Variants in PHIP observed in about 807,000 individuals in gnomAD.
PHIP encodes the protein PHIP subunit of CUL4-Ring ligase complex.
In PHIP, 54 loss-of-function variants were observed where a neutral mutation model predicts 236.8. That is an observed-to-expected ratio of 0.23 (90% confidence interval 0.18 to 0.29). The LOEUF (loss-of-function observed/expected upper bound fraction) is 0.29, where lower values mean the gene tolerates loss of function less well. Ranked by LOEUF, PHIP falls within the 10% of genes least tolerant of loss-of-function variation. The pLI is 1.00. For missense variants in PHIP, 1,370 were observed against 2,190.8 expected (o/e 0.63, Z 7.48); for synonymous variants, 756 against 718.9 (o/e 1.05, Z -0.83).
chr6:78,953,041 TG>T (rs1170153017), intron 35 of PHIP, among the ~76,000 whole-genome samples: 19 of 152,212 alleles, frequency 1.2e-4, no homozygotes, highest in Admixed American at 6.5e-4. Context: ...ATATAGGTGT[TG>T]TTTTTTTTTT....
intron 7 of PHIP, among the ~76,000 whole-genome samples, chr6:79,041,469 G>T (rs1264782687): frequency 1.3e-5 from 2 of 152,042 alleles, no homozygotes; most frequent in Non-Finnish European, 2.9e-5. Flanking sequence ...TTCCTACAAG[G>T]TTCTTTACAA....
rs186814105 is a variant in PHIP, at chr6:79,038,569, T to C, written c.600+4274A>G. Among the ~76,000 whole-genome samples, 13 of 152,324 alleles carry C rather than the reference T, an allele frequency of 8.5e-5. No homozygotes were observed. The East Asian group carries it at 2.5e-3, about 29-fold the overall frequency. On this transcript the variant is annotated intron_variant, in intron 7 of 39. Transcript: ENST00000275034. Reference sequence around the variant, plus strand: ...CTTTAGGTTTCTGCCTTTCATGAAATTCTCATCTCCTGGCTTCTAAGACAC... The same window carrying C: ...CTTTAGGTTTCTGCCTTTCATGAAACTCTCATCTCCTGGCTTCTAAGACAC...
chr6:78,955,493 TA>T (rs1284759065), intron 33 of PHIP, 119 bp downstream of exon 33: 6 of 503,070 alleles, frequency 1.2e-5, no homozygotes, highest in Non-Finnish European at 1.1e-5. Context: ...TTTTTTTTTT[TA>T]AATTAACTAC....
At chr6:79,062,167 C>T (rs1025935467) in intron 4 of PHIP, among the ~76,000 whole-genome samples, 2 of 152,080 alleles carry the variant, frequency 1.3e-5, no homozygotes, top group South Asian at 2.1e-4. Context: ...ATACATATTA[C>T]CTCCTTGTTT....
chr6:79,026,695 A>C (rs1219353537), intron 7 of PHIP, among the ~76,000 whole-genome samples: 2 of 152,028 alleles, frequency 1.3e-5, no homozygotes, highest in African/African-American at 2.4e-5. Flanking sequence ...AAAATACATA[A>C]TTACTTGTTT....
chr6:78,972,179 A>G (rs921427648), intron 24 of PHIP, among the ~76,000 whole-genome samples: 12 of 149,206 alleles, frequency 8.0e-5, no homozygotes, highest in African/African-American at 2.7e-4. Flanking sequence ...AGCTGGAGAT[A>G]TGAGAACGGG....
chr6:78,947,868 G>GC (rs1562116244), intron 35 of PHIP, 93 bp from the exon 36 acceptor site: 6 of 781,182 alleles, frequency 7.7e-6, no homozygotes. Context: ...TATGATGACT[G>GC]CAAGTCCTAG....
At chr6:78,984,117 T>C (rs1030297709) in intron 22 of PHIP, among the ~76,000 whole-genome samples, 1 of 152,146 alleles carries the variant, frequency 6.6e-6, no homozygotes, top group Admixed American at 6.6e-5. Context: ...GGAGCTTTAT[T>C]CCATTGTCAC....
chr6:78,988,306 T>C lies in PHIP; in HGVS notation c.2363A>G (p.Lys788Arg). The C allele has an allele frequency of 6.2e-7, 1 of 1,606,484 alleles. No individual in the cohort carries two copies. Residue 788 changes from lysine (K) to arginine (R), a missense_variant, in exon 21 of 40, where the codon AAG (lysine) becomes AGG (arginine). Physicochemically the swap from Lys to Arg is conservative, Grantham distance 26. Coordinates refer to ENST00000275034, the MANE Select transcript of PHIP (RefSeq NM_017934.7). The stretch of plus-strand genomic sequence containing the variant: ...ATAATTGTGTTGATTTGTCTGTTGC[T>C]TTTTGGATTCTCCAAGATCCAGGAA... ...EHFLDLGESK[K>R]QQTNQHNYRT...
chr6:78,986,006 T>A (rs989238143), intron 21 of PHIP, among the ~76,000 whole-genome samples: 2 of 152,218 alleles, frequency 1.3e-5, no homozygotes, highest in Non-Finnish European at 2.9e-5. Context: ...CCTCATAACG[T>A]ATCTAGATAA....
At chr6:78,946,440 T>A in intron 37 of PHIP, 180 bp from the exon 38 acceptor site, 1 of 1,405,978 alleles carries the variant, frequency 7.1e-7, no homozygotes, top group South Asian at 1.6e-5. Flanking sequence ...AGGATCGCTG[T>A]AAATGCTAAA....
At chr6:78,988,432 A>G in intron 20 of PHIP, 83 bp from the exon 21 acceptor site, 9 of 1,091,742 alleles carry the variant, frequency 8.2e-6, no homozygotes, top group Non-Finnish European at 1.1e-5. Flanking sequence ...TTTTAATTAA[A>G]AAAATTCAAG....
rs1005595885 is a variant in PHIP at position 79,023,621 on chromosome 6, A to T, written c.923+1898T>A. On this transcript the variant is annotated intron_variant, in intron 9 of 39. Transcript: ENST00000275034. ...TCTATGGTAAAATATTAAGAAAACA[A>T]AATTATATATATATTCCTAATTATA... Among the ~76,000 whole-genome samples the T allele has an allele frequency of 6.7e-4, 102 of 152,092 alleles. 1 individual carries two copies. The highest frequency in any genetic ancestry group is 2.4e-3 in the African/African-American group (99 of 41,532).
intron 17 of PHIP, among the ~76,000 whole-genome samples, chr6:79,001,439 C>A (rs1233433565): frequency 6.6e-6 from 1 of 152,012 alleles, no homozygotes; most frequent in Admixed American, 6.6e-5. Flanking sequence ...TGCTATTATT[C>A]CCTTTAGTAA....
At chr6:78,969,563 T>A (rs1767384074) in intron 27 of PHIP, among the ~76,000 whole-genome samples, 1 of 152,176 alleles carries the variant, frequency 6.6e-6, no homozygotes, top group South Asian at 2.1e-4. Context: ...TTATTAATAT[T>A]TTTATACAAA....
chr6:79,000,597 A>C (rs968394982), intron 17 of PHIP, among the ~76,000 whole-genome samples: 2 of 152,074 alleles, frequency 1.3e-5, no homozygotes, highest in Non-Finnish European at 2.9e-5. Flanking sequence ...CTGAAACCCT[A>C]AAGTAGCTAT....
rs544796751 is a variant in PHIP, at chr6:78,999,153, G to A, written c.1880-762C>T. Among the ~76,000 whole-genome samples the A allele has an allele frequency of 3.1e-3, 472 of 152,246 alleles. 3 individuals are homozygous for A. Among genetic ancestry groups the A allele is most frequent in the African/African-American group, 0.011 (438 of 41,534 alleles). The stretch of plus-strand genomic sequence containing the variant: ...CAAGAGGTACAAACGCTGTGAAGCA[G>A]GGAGAAACTTGTATTTTAATCCATC... On this transcript the variant is annotated intron_variant, in intron 17 of 39. Coordinates refer to ENST00000275034, the MANE Select transcript of PHIP (RefSeq NM_017934.7).
intron 11 of PHIP, 48 bp downstream of exon 11, chr6:79,017,435 T>G (rs754409596): frequency 4.1e-5 from 65 of 1,580,064 alleles, no homozygotes; most frequent in Non-Finnish European, 5.5e-5. Context: ...TATAAACTCT[T>G]GGACTCACAT....
chr6:79,077,657 G>A (rs1390782339), intron 3 of PHIP, 43 bp downstream of exon 3: 2 of 957,376 alleles, frequency 2.1e-6, no homozygotes, highest in African/African-American at 3.6e-5. Flanking sequence ...GCCCAGAGGC[G>A]GCCGCGCGGC....
Sources: gnomAD v4.1 joint callset for allele counts (sites outside exome capture counted in the v4.1 genomes callset) on GRCh38, gnomAD v4.1.1 for gene constraint, MANE v1.5 for transcripts, NCBI Gene and HGNC (gene_info 2026-07-23, HGNC 2026-07-21) for gene names.